RPGRIP1: variants seen among roughly 807,000 people sequenced by gnomAD.
RPGRIP1 encodes the protein RPGR interacting protein 1, also known as X-linked retinitis pigmentosa GTPase regulator-interacting protein 1.
RPGRIP1 carries 128 observed loss-of-function variants against 157.9 expected under a neutral mutation model. The ratio of observed to expected loss-of-function variants is 0.81; its 90% confidence interval spans 0.70 to 0.94. The LOEUF is 0.94. RPGRIP1 is among the 40% of genes least tolerant of loss of function. The pLI is 0.00. For missense variants in RPGRIP1, 1,486 were observed against 1,545.8 expected, an observed-to-expected ratio of 0.96 and a Z score of 0.65; for synonymous variants, 554 against 571.6, an observed-to-expected ratio of 0.97 and a Z score of 0.44.
rs190985984 is a variant in RPGRIP1 at position 21,317,839 on chromosome 14, C to T, written c.1295C>T (p.Ser432Phe). 1.3e-4 allele frequency: 215 copies of T among 1,605,176 alleles called. 1 individual carries two copies. The East Asian group carries it at 4.7e-3, about 35-fold the overall frequency. Residue 432 changes from serine to phenylalanine, a missense_variant, in exon 11 of 25, where the codon TCC (serine) becomes TTC (phenylalanine). Transcript: ENST00000400017. ...EDKRKVLLEL[S>F]REKAQNEDLK... ...AAGAGAAAAGTTTTACTTGAGCTGTCCAGGGAGAAAGGTAGGCTGGACCTT... is the reference window on the plus strand; with the variant it reads ...AAGAGAAAAGTTTTACTTGAGCTGTTCAGGGAGAAAGGTAGGCTGGACCTT...
chr14:21,305,569 C>T (rs1881264664), intron 6 of RPGRIP1, among the ~76,000 whole-genome samples: 1 of 152,012 alleles, frequency 6.6e-6, no homozygotes, highest in Non-Finnish European at 1.5e-5. Context: ...ATTTTAAAAC[C>T]ACAGATCCAG....
intron 23 of RPGRIP1, among the ~76,000 whole-genome samples, chr14:21,345,942 C>T (rs1885524574): frequency 6.6e-6 from 1 of 152,098 alleles, no homozygotes; most frequent in Non-Finnish European, 1.5e-5. Context: ...GCCTGAGCCT[C>T]CCAAGTAGCT....
At chr14:21,301,506 G>T (rs990672297) in intron 4 of RPGRIP1, among the ~76,000 whole-genome samples, 1 of 151,770 alleles carries the variant, frequency 6.6e-6, no homozygotes, top group Non-Finnish European at 1.5e-5. Context: ...GTGAAACCCC[G>T]TCTCTAATAA....
At chr14:21,321,497 C>A (rs1882468009) in intron 13 of RPGRIP1, 95 bp downstream of exon 13, 1 of 1,518,216 alleles carries the variant, frequency 6.6e-7, no homozygotes, top group Admixed American at 2.3e-5. Flanking sequence ...GTTTCCAGGG[C>A]TGATACCAGG....
intron 1 of RPGRIP1, among the ~76,000 whole-genome samples, chr14:21,283,980 T>C (rs1219376043): frequency 2.0e-5 from 3 of 152,208 alleles, no homozygotes; most frequent in Non-Finnish European, 4.4e-5. Context: ...ACTTAAACTT[T>C]GGGGTGATTA....
chr14:21,332,676 T>C (rs1436195481), intron 20 of RPGRIP1, among the ~76,000 whole-genome samples: 1 of 152,214 alleles, frequency 6.6e-6, no homozygotes, highest in Non-Finnish European at 1.5e-5. Flanking sequence ...ATGTGAAATA[T>C]GGGACCAGAA....
At position 21,300,975 on chromosome 14, in the gene RPGRIP1, C is replaced by A; in HGVS notation, c.228C>A (p.Thr76=). The change falls in exon 4 of 25, where the codon ACC becomes ACA. Residue 76 remains threonine, a synonymous_variant. Coordinates refer to ENST00000400017, the MANE Select transcript of RPGRIP1 (RefSeq NM_020366.4). ...CTCTATTTGTCCACAGGCTGAGGACCACCTTGCTGCGGTTGACCGCTGCTG... is the reference window on the plus strand; with the variant it reads ...CTCTATTTGTCCACAGGCTGAGGACAACCTTGCTGCGGTTGACCGCTGCTG... The part of the protein sequence containing the change: ...KQQDEIKRLR[T]TLLRLTAAGR... The A allele has an allele frequency of 6.2e-7, 1 of 1,612,826 alleles. No homozygotes were observed. The highest frequency in any genetic ancestry group is 8.5e-7 in the Non-Finnish European group (1 of 1,179,382).
chr14:21,327,985 A>T (rs938760477), intron 18 of RPGRIP1, among the ~76,000 whole-genome samples, 178 bp downstream of exon 18: 1 of 152,194 alleles, frequency 6.6e-6, no homozygotes, highest in East Asian at 1.9e-4. Flanking sequence ...CCTGACCAAC[A>T]TGGGGAAACC....
At chr14:21,329,119 G>C (rs895863770) in intron 19 of RPGRIP1, among the ~76,000 whole-genome samples, 4 of 131,586 alleles carry the variant, frequency 3.0e-5, no homozygotes, top group African/African-American at 1.2e-4. Flanking sequence ...ACTCCAGCCT[G>C]AGCAACAAGT....
At chr14:21,333,730 A>G (rs1211243838) in intron 20 of RPGRIP1, among the ~76,000 whole-genome samples, 2 of 152,056 alleles carry the variant, frequency 1.3e-5, no homozygotes, top group African/African-American at 4.8e-5. Flanking sequence ...GTACAAGTCC[A>G]TGGCATTTTT....
rs147853757 is a variant in RPGRIP1 at position 21,321,629 on chromosome 14, C to T, written c.1612-225C>T. Reference sequence around the variant, plus strand: ...GGGGCCAGCCCATGCCAATGGCAAGCGTAAGGCTTCTGGGTTCAAATTTTG... The same window carrying T: ...GGGGCCAGCCCATGCCAATGGCAAGTGTAAGGCTTCTGGGTTCAAATTTTG... On this transcript the variant is annotated intron_variant, in intron 13 of 24. Transcript: ENST00000400017. 7.6e-5 allele frequency: 81 copies of T among 1,064,654 alleles called. 1 individual carries two copies. In the Middle Eastern group the frequency reaches 2.2e-3, roughly 29 times the overall value. The allele number at this position is 1,064,654 out of a possible 1,614,324, so 66.0% of individuals were successfully genotyped here. A position where few individuals can be genotyped will look rare whatever the true frequency, so the allele number is the denominator to read the frequency against.
rs1882411608 is a variant in RPGRIP1, at chr14:21,321,116, A to C, written c.1468-143A>C. On this transcript the variant is annotated intron_variant, in intron 12 of 24. Transcript: ENST00000400017. Reference sequence around the variant, plus strand: ...AGAACTAGGGGAAAGAGCACTTGTGAAGTCATACAGGTCCTTGTTTACATT... The same window carrying C: ...AGAACTAGGGGAAAGAGCACTTGTGCAGTCATACAGGTCCTTGTTTACATT... 7.9e-6 allele frequency: 6 copies of C among 763,046 alleles called. No individual in the cohort carries two copies. The South Asian group carries it at 1.3e-4, about 17-fold the overall frequency. The allele number at this position is 763,046 out of a possible 1,614,324, so 47.3% of individuals were successfully genotyped here.
chr14:21,281,680 C>A (rs925129088), intron 1 of RPGRIP1, among the ~76,000 whole-genome samples: 3 of 134,678 alleles, frequency 2.2e-5, no homozygotes, highest in East Asian at 2.1e-4. Context: ...CAGAGTGAGA[C>A]CTTGTCTCAA....
chr14:21,282,242 A>AT (rs113876880), intron 1 of RPGRIP1, among the ~76,000 whole-genome samples: 55 of 147,852 alleles, frequency 3.7e-4, no homozygotes, highest in African/African-American at 3.7e-4. Context: ...CTGCAAGGAA[A>AT]TTTTTTTTTT....
intron 6 of RPGRIP1, among the ~76,000 whole-genome samples, chr14:21,306,112 CTTTTTTTTTTTTTTTTTTTTT>C (rs539083010): frequency 1.4e-3 from 65 of 44,828 alleles, no homozygotes; most frequent in African/African-American, 5.7e-3. Flanking sequence ...GAATAATAGT[CTTTTTTTTTTTTTTTTTTTTT>C]TTTTTTTTTT....
intron 16 of RPGRIP1, 24 bp from the exon 17 acceptor site, chr14:21,325,807 A>G (rs1188645956): frequency 1.3e-6 from 2 of 1,573,930 alleles, no homozygotes; most frequent in Non-Finnish European, 8.7e-7. Context: ...CCTTTTCCTC[A>G]ATCCATGACC....
intron 24 of RPGRIP1, among the ~76,000 whole-genome samples, chr14:21,350,675 G>A (rs1214550266): frequency 6.6e-6 from 1 of 152,152 alleles, no homozygotes; most frequent in Admixed American, 6.5e-5. Context: ...GATTAAGGAA[G>A]CACTTAAATA....
At chr14:21,339,497 T>C (rs928817936) in intron 21 of RPGRIP1, among the ~76,000 whole-genome samples, 2 of 152,150 alleles carry the variant, frequency 1.3e-5, no homozygotes, top group African/African-American at 4.8e-5. Context: ...TGCTATGTAA[T>C]GTTTATTTAG....
chr14:21,339,191 T>C (rs1884720954), intron 21 of RPGRIP1, among the ~76,000 whole-genome samples: 1 of 151,938 alleles, frequency 6.6e-6, no homozygotes, highest in Admixed American at 6.6e-5. Context: ...CTCACGCCTG[T>C]AATTCTAGCA....
Sources: allele counts gnomAD v4.1 joint callset (sites outside exome capture counted in the v4.1 genomes callset), GRCh38; gene constraint gnomAD v4.1.1; transcripts MANE v1.5; gene names NCBI Gene and HGNC (gene_info 2026-07-23, HGNC 2026-07-21).